SMARCD1: variants seen among roughly 807,000 people sequenced by gnomAD.
SMARCD1 encodes SWI/SNF related BAF chromatin remodeling complex subunit D1.
Under a neutral mutation model 70.8 loss-of-function variants are expected in SMARCD1, and 16 were observed. The observed-to-expected ratio is 0.23, with a 90% CI of 0.15 to 0.34. SMARCD1 has a LOEUF of 0.34. SMARCD1 is among the 10% of genes least tolerant of loss of function. The pLI is 1.00. For missense variants in SMARCD1, 409 were observed against 655.5 expected (o/e 0.62, Z 4.11); for synonymous variants, 249 against 246.0 (o/e 1.01, Z -0.11).
Position 50,094,433 on chromosome 12 carries a change from C to G in SMARCD1, c.1134-4C>G, listed in dbSNP as rs776641584. Reference sequence around the variant, plus strand: ...TTACCAGGCTCCTTTGGTTTCCTGTCCAGTGTTGACCCGAATGATCAGAAA... The same window carrying G: ...TTACCAGGCTCCTTTGGTTTCCTGTGCAGTGTTGACCCGAATGATCAGAAA... On this transcript the variant is annotated splice_region_variant and splice_polypyrimidine_tract_variant and intron_variant, in intron 9 of 12. Coordinates refer to ENST00000394963, the MANE Select transcript of SMARCD1 (RefSeq NM_003076.5). 4 of 1,613,412 alleles carry G rather than the reference C, an allele frequency of 2.5e-6. No homozygotes were observed. The highest frequency in any genetic ancestry group is 3.4e-6 in the Non-Finnish European group (4 of 1,179,670).
At chr12:50,094,308 C>T (rs1950872790) in intron 9 of SMARCD1, 129 bp from the exon 10 acceptor site, 2 of 844,210 alleles carry the variant, frequency 2.4e-6, no homozygotes, top group Non-Finnish European at 3.7e-6. Flanking sequence ...ATTTCTGTCA[C>T]ACCCGAAAGT....
At chr12:50,098,037 C>T (rs1294685144) in intron 11 of SMARCD1, among the ~76,000 whole-genome samples, 1 of 152,074 alleles carries the variant, frequency 6.6e-6, no homozygotes, top group Non-Finnish European at 1.5e-5. Flanking sequence ...AAGGGGAGCA[C>T]AGTAAGCTCA....
At chr12:50,097,117 T>A in intron 11 of SMARCD1, 145 bp downstream of exon 11, 1 of 688,878 alleles carries the variant, frequency 1.5e-6, no homozygotes, top group Non-Finnish European at 2.3e-6. Context: ...ATTTTGCAAT[T>A]AAGCAGGGAA....
chr12:50,086,473 G>C, intron 2 of SMARCD1, 125 bp downstream of exon 2: 2 of 1,154,906 alleles, frequency 1.7e-6, no homozygotes, highest in Non-Finnish European at 1.2e-6. Context: ...TCATCCTTGA[G>C]AATGCTTGGT....
intron 9 of SMARCD1, among the ~76,000 whole-genome samples, chr12:50,091,657 A>G: frequency 6.7e-6 from 1 of 149,060 alleles, no homozygotes; most frequent in East Asian, 2.0e-4. Context: ...GCTCACTGAA[A>G]CCTCCGCCAC....
chr12:50,095,303 G>A (rs570972619), intron 10 of SMARCD1, among the ~76,000 whole-genome samples: 254 of 152,152 alleles, frequency 1.7e-3, no homozygotes, highest in South Asian at 3.3e-3. Flanking sequence ...GGCTTTGCTG[G>A]AAGAGTTGAT....
At chr12:50,092,206 G>A (rs9805064) in intron 9 of SMARCD1, among the ~76,000 whole-genome samples, 4,658 of 149,660 alleles carry the variant, frequency 0.031, 264 homozygotes, top group African/African-American at 0.11. Flanking sequence ...TTCTGGTAAG[G>A]GCTTTCTTTT....
At chr12:50,090,213 T>C in intron 7 of SMARCD1, 28 bp from the exon 8 acceptor site, 2 of 1,587,426 alleles carry the variant, frequency 1.3e-6, no homozygotes, top group South Asian at 1.1e-5. Flanking sequence ...CTAACTAGCT[T>C]CATCCCCTAT....
rs1231108664 is a variant in SMARCD1 at position 50,100,462 on chromosome 12, T to C, written c.*1462T>C. On this transcript the variant is annotated 3_prime_UTR_variant, in exon 13 of 13. Coordinates refer to ENST00000394963, the MANE Select transcript of SMARCD1 (RefSeq NM_003076.5). Reference sequence around the variant, plus strand: ...TTGAAAGGTTGACACTGGACAACCTTGGGGCAGCTGAGCCCTGGCCGCCTC... The same window carrying C: ...TTGAAAGGTTGACACTGGACAACCTCGGGGCAGCTGAGCCCTGGCCGCCTC... 3 of 152,652 alleles carry C rather than the reference T, an allele frequency of 2.0e-5. No individual in the cohort carries two copies. Among genetic ancestry groups the C allele is most frequent in the African/African-American group, 4.8e-5 (2 of 41,438 alleles). The allele number at this position is 152,652 out of a possible 1,614,324, so 9.5% of individuals were successfully genotyped here. A position where few individuals can be genotyped will look rare whatever the true frequency, so the allele number is the denominator to read the frequency against.
intron 5 of SMARCD1, 36 bp downstream of exon 5, chr12:50,087,521 TG>T: frequency 6.2e-7 from 1 of 1,607,974 alleles, no homozygotes; most frequent in Non-Finnish European, 8.5e-7. Context: ...GCATCTAGGG[TG>T]GGAGCTGCTG....
chr12:50,089,505 A>G (rs2137881256), intron 6 of SMARCD1: 1 of 175,136 alleles, frequency 5.7e-6, no homozygotes, highest in South Asian at 1.4e-4. Flanking sequence ...TAAAATAAGT[A>G]TAATTGTGCC....
chr12:50,093,608 G>GAGC, intron 9 of SMARCD1, among the ~76,000 whole-genome samples: 1 of 152,106 alleles, frequency 6.6e-6, no homozygotes, highest in South Asian at 2.1e-4. Flanking sequence ...CTCGCCTCCT[G>GAGC]AGCAGCTGGG....
At chr12:50,095,685 G>A (rs915014476) in intron 10 of SMARCD1, among the ~76,000 whole-genome samples, 8 of 152,218 alleles carry the variant, frequency 5.3e-5, no homozygotes, top group Non-Finnish European at 2.9e-5. Context: ...GGATAGTAGT[G>A]CTGGGGGCAT....
At chr12:50,098,491 G>C (rs1950911820) in intron 11 of SMARCD1, 2 of 559,308 alleles carry the variant, frequency 3.6e-6, no homozygotes, top group African/African-American at 3.8e-5. Context: ...CTCTTTATAA[G>C]GGAACCTACC....
chr12:50,095,565 G>A (rs946580030), intron 10 of SMARCD1, among the ~76,000 whole-genome samples: 2 of 152,180 alleles, frequency 1.3e-5, no homozygotes, highest in Non-Finnish European at 2.9e-5. Flanking sequence ...GACCTCAGGT[G>A]ATCCACCCGC....
At position 50,098,766 on chromosome 12, in the gene SMARCD1, A is replaced by G; in HGVS notation, c.1445A>G (p.Tyr482Cys). Reference sequence around the variant, plus strand: ...GAGGAGGAGCGCCGAGCTGAGTTCTACTTCCAGCCCTGGGCTCAGGAGGCT... The same window carrying G: ...GAGGAGGAGCGCCGAGCTGAGTTCTGCTTCCAGCCCTGGGCTCAGGAGGCT... ...NPEEERRAEF[Y>C]FQPWAQEAVC... Residue 482 changes from tyrosine (Y) to cysteine (C), a missense_variant, in exon 12 of 13, where the codon TAC (tyrosine) becomes TGC (cysteine). Around this residue, in one of 2 missense-constraint regions of SMARCD1, gnomAD observed 269 missense variants for 498.6 expected, o/e 0.54. Coordinates refer to ENST00000394963, the MANE Select transcript of SMARCD1 (RefSeq NM_003076.5). 1.9e-6 allele frequency: 3 copies of G among 1,614,108 alleles called. No homozygotes were observed. Among genetic ancestry groups the G allele is most frequent in the Non-Finnish European group, 2.5e-6 (3 of 1,179,994 alleles).
At chr12:50,097,315 C>T (rs1198813643) in intron 11 of SMARCD1, among the ~76,000 whole-genome samples, 4 of 152,170 alleles carry the variant, frequency 2.6e-5, no homozygotes, top group African/African-American at 9.7e-5. Flanking sequence ...CTTTGGGAGG[C>T]CGAGGCCGAC....
At chr12:50,088,192 A>AT (rs1171004292) in intron 5 of SMARCD1, 1 of 690,052 alleles carries the variant, frequency 1.4e-6, no homozygotes, top group Non-Finnish European at 2.6e-6. Context: ...CCTGTGATTC[A>AT]TTTCCCCTCT....
intron 5 of SMARCD1, among the ~76,000 whole-genome samples, chr12:50,087,701 C>T (rs1370596325): frequency 6.6e-6 from 1 of 152,060 alleles, no homozygotes; most frequent in African/African-American, 2.4e-5. Flanking sequence ...CCTTATTGTC[C>T]TGGGATCTGA....
Sources: allele counts gnomAD v4.1 joint callset (sites outside exome capture counted in the v4.1 genomes callset), GRCh38; gene constraint gnomAD v4.1.1; regional missense constraint gnomAD v4.1.1; transcripts MANE v1.5; gene names NCBI Gene and HGNC (gene_info 2026-07-23, HGNC 2026-07-21).